The following TMEM120B variants were observed in gnomAD, a reference collection of about 807,000 sequenced individuals.
TMEM120B encodes transmembrane protein 120B.
A neutral mutation model predicts 55.5 loss-of-function variants in TMEM120B; 31 were observed. That is an observed-to-expected ratio of 0.56 (90% CI 0.42 to 0.75). The LOEUF (loss-of-function observed/expected upper bound fraction) is 0.75. TMEM120B is among the 30% of genes least tolerant of loss of function. TMEM120B has a pLI of 0.00. For missense variants in TMEM120B, 399 were observed against 425.5 expected (o/e 0.94, Z 0.55); for synonymous variants, 203 against 176.3 (o/e 1.15, Z -1.20).
intron 1 of TMEM120B, among the ~76,000 whole-genome samples, chr12:121,717,945 C>T (rs1264850230): frequency 6.6e-6 from 1 of 152,120 alleles, no homozygotes; most frequent in Non-Finnish European, 1.5e-5. Flanking sequence ...CGTGAGCTAC[C>T]GCACCCAGCC....
intron 6 of TMEM120B, among the ~76,000 whole-genome samples, 190 bp from the exon 7 acceptor site, chr12:121,770,717 G>C (rs1194125708): frequency 6.6e-6 from 1 of 152,096 alleles, no homozygotes; most frequent in African/African-American, 2.4e-5. Flanking sequence ...ATCTGCAGCT[G>C]GTTTGTGTGG....
chr12:121,715,257 T>C (rs1894679319), intron 1 of TMEM120B, among the ~76,000 whole-genome samples: 1 of 151,914 alleles, frequency 6.6e-6, no homozygotes, highest in Non-Finnish European at 1.5e-5. Context: ...TGCTTGAAAC[T>C]GGGAGGGGGA....
At position 121,761,658 on chromosome 12, in the gene TMEM120B, C is replaced by T. The variant is rs777967733; in HGVS notation, c.471C>T (p.Asp157=). The T allele has an allele frequency of 1.9e-5, 31 of 1,613,612 alleles. No individual in the cohort carries two copies. The highest frequency in any genetic ancestry group is 4.0e-5 in the African/African-American group (3 of 74,916). ...CTGTTTCCTTGCACAGGGTGACTGA[C>T]GAAGTCTTCAACTTCCTGCTGGTGT... ...CRFVLHYRVT[D]EVFNFLLVWY... The change falls in exon 6 of 12, where the codon GAC becomes GAT. Residue 157 remains aspartate, a synonymous_variant. Coordinates refer to ENST00000449592, the MANE Select transcript of TMEM120B (RefSeq NM_001080825.2).
chr12:121,732,933 C>T (rs1057167477), intron 1 of TMEM120B, among the ~76,000 whole-genome samples: 40 of 149,870 alleles, frequency 2.7e-4, no homozygotes, highest in African/African-American at 8.6e-4. Flanking sequence ...GAGCCGAGGT[C>T]GCGCCACTGC....
At chr12:121,744,075 G>C (rs1317382171) in intron 2 of TMEM120B, among the ~76,000 whole-genome samples, 1 of 122,390 alleles carries the variant, frequency 8.2e-6, no homozygotes, top group African/African-American at 3.1e-5. Flanking sequence ...TTTTTTTCTT[G>C]AAATGGAGTC....
chr12:121,742,654 T>C (rs1279444201), intron 1 of TMEM120B, among the ~76,000 whole-genome samples: 1 of 151,918 alleles, frequency 6.6e-6, no homozygotes, highest in Non-Finnish European at 1.5e-5. Flanking sequence ...GGCGTGGTCT[T>C]AGTTCACTGC....
chr12:121,779,151 A>G lies in TMEM120B; in HGVS notation c.*3429A>G, dbSNP rs977288899. 28 of 279,704 alleles carry G rather than the reference A, an allele frequency of 1.0e-4. No homozygotes were observed. The highest frequency in any genetic ancestry group is 1.2e-3 in the Middle Eastern group (1 of 808). 17.3% of individuals were successfully genotyped at this position (279,704 alleles called of 1,614,324 possible). The stretch of plus-strand genomic sequence containing the variant: ...GCCCGCGTGGAACAGTGCCAGGTCT[A>G]CGTTTACCCACTACCAGATAGACTT... On this transcript the variant is annotated 3_prime_UTR_variant, in exon 12 of 12. Coordinates refer to ENST00000449592, the MANE Select transcript of TMEM120B (RefSeq NM_001080825.2).
chr12:121,774,845 CGGGGCA>C, intron 10 of TMEM120B, 123 bp downstream of exon 10: 1 of 1,328,634 alleles, frequency 7.5e-7, no homozygotes, highest in Non-Finnish European at 1.0e-6. Flanking sequence ...ATCCTGGGGC[CGGGGCA>C]GCCTCTGGGC....
chr12:121,774,587 T>TGGG (rs1874173945), intron 9 of TMEM120B, 71 bp from the exon 10 acceptor site: 1 of 1,468,268 alleles, frequency 6.8e-7, no homozygotes, highest in East Asian at 2.3e-5. Context: ...TGGCTGGGGG[T>TGGG]GGGCGTCTGG....
chr12:121,721,582 C>T (rs565405182), intron 1 of TMEM120B, among the ~76,000 whole-genome samples: 2 of 151,726 alleles, frequency 1.3e-5, no homozygotes, highest in African/African-American at 4.8e-5. Flanking sequence ...AGCAATTCTT[C>T]TGCCTCAGTC....
At chr12:121,774,790 G>A in intron 10 of TMEM120B, 68 bp downstream of exon 10, 2 of 1,543,262 alleles carry the variant, frequency 1.3e-6, no homozygotes, top group Non-Finnish European at 1.8e-6. Context: ...AGGTCTTCAG[G>A]CCTTGCCCTC....
At chr12:121,768,893 C>G (rs554929452) in intron 6 of TMEM120B, among the ~76,000 whole-genome samples, 165 of 152,270 alleles carry the variant, frequency 1.1e-3, no homozygotes, top group Middle Eastern at 3.4e-3. Context: ...TGCCTGTAAT[C>G]CCAGCACTTT....
chr12:121,730,914 C>T (rs553935957), intron 1 of TMEM120B, among the ~76,000 whole-genome samples: 5 of 151,714 alleles, frequency 3.3e-5, no homozygotes, highest in South Asian at 2.1e-4. Flanking sequence ...GCCGAGATTG[C>T]GCCACTGCAC....
intron 7 of TMEM120B, 108 bp downstream of exon 7, chr12:121,771,080 C>T: frequency 8.0e-7 from 1 of 1,252,080 alleles, no homozygotes; most frequent in Non-Finnish European, 1.1e-6. Context: ...TGCTCCAGGG[C>T]CAACTTGGGA....
At chr12:121,757,666 G>A (rs1305151591) in intron 5 of TMEM120B, among the ~76,000 whole-genome samples, 3 of 152,128 alleles carry the variant, frequency 2.0e-5, no homozygotes, top group South Asian at 2.1e-4. Flanking sequence ...ACAGGTGCCC[G>A]CCACCATGCC....
At position 121,743,612 on chromosome 12, in the gene TMEM120B, G is replaced by T; in HGVS notation, c.70-17G>T. 2 of 1,600,966 alleles carry T rather than the reference G, an allele frequency of 1.2e-6. No homozygotes were observed. Among genetic ancestry groups the T allele is most frequent in the African/African-American group, 1.3e-5 (1 of 74,604 alleles). Reference sequence around the variant, plus strand: ...ATATTCTCCCACACACCCTCCCCCGGGTCCCCTGTTCTTCAGGAGACGCAC... The same window carrying T: ...ATATTCTCCCACACACCCTCCCCCGTGTCCCCTGTTCTTCAGGAGACGCAC... On this transcript the variant is annotated splice_polypyrimidine_tract_variant and intron_variant, in intron 1 of 11. Coordinates refer to ENST00000449592, the MANE Select transcript of TMEM120B (RefSeq NM_001080825.2).
At chr12:121,731,729 A>G (rs924706705) in intron 1 of TMEM120B, among the ~76,000 whole-genome samples, 1 of 152,262 alleles carries the variant, frequency 6.6e-6, no homozygotes, top group Non-Finnish European at 1.5e-5. Context: ...ACTGTACCAC[A>G]GTATGAGTGT....
chr12:121,721,831 C>G (rs867812355), intron 1 of TMEM120B, among the ~76,000 whole-genome samples: 2 of 47,040 alleles, frequency 4.3e-5, no homozygotes, highest in South Asian at 6.8e-4. Context: ...TTTTTTGAGA[C>G]AGCGTCTTGC....
intron 5 of TMEM120B, among the ~76,000 whole-genome samples, chr12:121,759,777 A>G (rs1287089870): frequency 6.6e-6 from 1 of 152,008 alleles, no homozygotes; most frequent in East Asian, 1.9e-4. Context: ...TGGGTGAATC[A>G]CTTGTGGTCA....
Sources: allele counts gnomAD v4.1 joint callset (sites outside exome capture counted in the v4.1 genomes callset), GRCh38; gene constraint gnomAD v4.1.1; transcripts MANE v1.5; gene names NCBI Gene and HGNC (gene_info 2026-07-23, HGNC 2026-07-21).